The following RERE variants were observed in gnomAD, a reference collection of about 807,000 sequenced individuals.
RERE encodes arginine-glutamic acid dipeptide repeats protein.
RERE carries 40 observed loss-of-function variants against 146.1 expected under a neutral mutation model. That is an observed-to-expected ratio of 0.27 (90% CI 0.21 to 0.36). RERE has a LOEUF of 0.36. RERE is among the 10% of genes least tolerant of loss of function. The pLI, the probability that RERE is intolerant of heterozygous loss-of-function variation, is 1.00. For missense variants in RERE, 1,933 were observed against 2,138.7 expected (o/e 0.90, Z 1.90); for synonymous variants, 1,003 against 866.0 (o/e 1.16, Z -2.78).
chr1:8,677,503 A>G (rs1426253415), intron 1 of RERE, among the ~76,000 whole-genome samples: 1 of 151,860 alleles, frequency 6.6e-6, no homozygotes, highest in Non-Finnish European at 1.5e-5. Context: ...ATGCCATGCC[A>G]TTCCTTAATT....
intron 7 of RERE, among the ~76,000 whole-genome samples, chr1:8,527,644 A>G (rs1426476275): frequency 6.6e-6 from 1 of 152,168 alleles, no homozygotes; most frequent in African/African-American, 2.4e-5. Flanking sequence ...GAGTTACCAA[A>G]ATCCAATGGC....
rs567163209 is a variant in RERE, at chr1:8,354,637, A to T, written c.*450T>A. On this transcript the variant is annotated 3_prime_UTR_variant, in exon 23 of 23. Transcript: ENST00000400908. ...ATTAAAATAAAAGATTTTTTTTTTT[A>T]AAAATTATAGCTCTTGGATTCCAAA... The T allele has an allele frequency of 6.2e-3, 961 of 154,082 alleles. 11 individuals are homozygous for T. Among genetic ancestry groups the T allele is most frequent in the Non-Finnish European group, 4.1e-3 (288 of 69,684 alleles). The allele number at this position is 154,082 out of a possible 1,614,324, so 9.5% of individuals were successfully genotyped here. A position where few individuals can be genotyped will look rare whatever the true frequency, so the allele number is the denominator to read the frequency against.
chr1:8,447,099 T>C (rs1414727181), intron 11 of RERE, among the ~76,000 whole-genome samples: 1 of 151,668 alleles, frequency 6.6e-6, no homozygotes, highest in East Asian at 1.9e-4. Flanking sequence ...GATACTTGTG[T>C]ATGCTTCACA....
intron 12 of RERE, chr1:8,380,931 A>G (rs1642425892): frequency 2.2e-6 from 1 of 456,656 alleles, no homozygotes; most frequent in Non-Finnish European, 4.4e-6. Context: ...ATCTCCTACC[A>G]CGTTCGGCTT....
At chr1:8,652,948 T>TTCAG (rs1232999557) in intron 2 of RERE, among the ~76,000 whole-genome samples, 1 of 152,176 alleles carries the variant, frequency 6.6e-6, no homozygotes, top group African/African-American at 2.4e-5. Context: ...ATCCTCCCAC[T>TTCAG]TCAGTCTCAC....
chr1:8,484,488 C>T (rs188992843), intron 10 of RERE, among the ~76,000 whole-genome samples: 1 of 151,330 alleles, frequency 6.6e-6, no homozygotes, highest in Non-Finnish European at 1.5e-5. Flanking sequence ...TGCAGTAGCG[C>T]CATCTCGGCT....
chr1:8,492,823 A>G (rs1644995882), intron 10 of RERE, among the ~76,000 whole-genome samples: 2 of 152,244 alleles, frequency 1.3e-5, no homozygotes, highest in Admixed American at 1.3e-4. Context: ...GGTGGGAGAA[A>G]AGCTTGAGCC....
At chr1:8,801,696 T>G (rs1641594699) in intron 1 of RERE, among the ~76,000 whole-genome samples, 2 of 152,250 alleles carry the variant, frequency 1.3e-5, no homozygotes, top group African/African-American at 4.8e-5. Flanking sequence ...AAATATTCTG[T>G]GCATACACAG....
chr1:8,771,633 G>A (rs7418128), intron 1 of RERE, among the ~76,000 whole-genome samples: 34,061 of 151,798 alleles, frequency 0.22, 4,006 homozygotes, highest in Middle Eastern at 0.27. Context: ...AAGATGGGCC[G>A]GGCATGGTGG....
intron 1 of RERE, among the ~76,000 whole-genome samples, chr1:8,747,890 T>G (rs529963077): frequency 1.1e-3 from 173 of 152,214 alleles, no homozygotes; most frequent in African/African-American, 3.9e-3. Context: ...TTCTCCTGCC[T>G]CAGCCTCCCG....
intron 7 of RERE, among the ~76,000 whole-genome samples, chr1:8,528,145 C>T (rs1176590075): frequency 6.6e-6 from 1 of 152,162 alleles, no homozygotes; most frequent in Non-Finnish European, 1.5e-5. Flanking sequence ...AATTACATAA[C>T]CTAGATCTAA....
chr1:8,444,814 C>T (rs1357710810), intron 11 of RERE, among the ~76,000 whole-genome samples: 1 of 151,884 alleles, frequency 6.6e-6, no homozygotes, highest in Non-Finnish European at 1.5e-5. Flanking sequence ...TCAGCTTCCG[C>T]CATAAGTAAA....
intron 5 of RERE, among the ~76,000 whole-genome samples, chr1:8,557,155 C>A (rs1186849949): frequency 6.6e-6 from 1 of 152,086 alleles, no homozygotes; most frequent in Non-Finnish European, 1.5e-5. Context: ...TTGATGCCAG[C>A]GCCAGCACTG....
chr1:8,666,948 C>T (rs978631645), intron 1 of RERE, among the ~76,000 whole-genome samples: 13 of 152,194 alleles, frequency 8.5e-5, no homozygotes, highest in African/African-American at 2.7e-4. Context: ...TCAGAATATA[C>T]GGCTTATTTA....
chr1:8,617,178 A>G (rs1378721249), intron 3 of RERE, among the ~76,000 whole-genome samples: 1 of 151,942 alleles, frequency 6.6e-6, no homozygotes, highest in Non-Finnish European at 1.5e-5. Context: ...CCCCGTCTCT[A>G]CTAAGAATAC....
chr1:8,364,278 G>A lies in RERE; in HGVS notation c.1541-23C>T. The A allele has an allele frequency of 2.5e-6, 4 of 1,608,306 alleles. No individual in the cohort carries two copies. Among genetic ancestry groups the A allele is most frequent in the African/African-American group, 2.7e-5 (2 of 74,900 alleles). On this transcript the variant is annotated intron_variant, in intron 14 of 22. Transcript: ENST00000400908. This position sits in a 1 kb window ranked among gnomAD's most constrained non-coding sequence, Gnocchi z 5.1. Reference sequence around the variant, plus strand: ...AGGCTGTGTGAGGGAAGTGGTGGGGGCCAACCTTGGAAACCATCCCTCTCC... The same window carrying A: ...AGGCTGTGTGAGGGAAGTGGTGGGGACCAACCTTGGAAACCATCCCTCTCC...
At chr1:8,394,258 A>T (rs1642978526) in intron 12 of RERE, among the ~76,000 whole-genome samples, 1 of 152,230 alleles carries the variant, frequency 6.6e-6, no homozygotes, top group Non-Finnish European at 1.5e-5. Context: ...AGCTTTCCCC[A>T]TTATTAAAAA....
chr1:8,780,152 C>CT (rs1162920717), intron 1 of RERE, among the ~76,000 whole-genome samples: 4 of 152,312 alleles, frequency 2.6e-5, no homozygotes, highest in African/African-American at 7.2e-5. Flanking sequence ...AGACTGGGTT[C>CT]TAATGCCAAC....
intron 12 of RERE, among the ~76,000 whole-genome samples, chr1:8,392,015 A>C (rs771120710): frequency 2.0e-5 from 3 of 152,202 alleles, no homozygotes; most frequent in Non-Finnish European, 4.4e-5. Context: ...CAGCAGAGTG[A>C]GACTCTGCCT....
Sources: gnomAD v4.1 joint callset for allele counts (sites outside exome capture counted in the v4.1 genomes callset) on GRCh38, gnomAD v4.1.1 for gene constraint, Gnocchi (gnomAD v3.1) non-coding constraint, MANE v1.5 for transcripts, NCBI Gene and HGNC (gene_info 2026-07-23, HGNC 2026-07-21) for gene names.